The following SRD5A2 variants were observed in gnomAD, a reference collection of about 807,000 sequenced individuals.
The protein encoded by SRD5A2 is 3-oxo-5-alpha-steroid 4-dehydrogenase 2.
Under a neutral mutation model 27.4 loss-of-function variants are expected in SRD5A2, and 30 were observed. The ratio of observed to expected loss-of-function variants is 1.10; its 90% CI spans 0.82 to 1.49. SRD5A2 has a LOEUF of 1.49. Among genes scored for constraint, SRD5A2 ranks in the 40% most tolerant of loss-of-function variants. SRD5A2 has a pLI of 0.00. For synonymous variants in SRD5A2, 141 were observed against 133.6 expected (o/e 1.06, Z -0.38); for missense variants, 348 against 323.4 (o/e 1.08, Z -0.58).
the SRD5A2 span, among the ~76,000 whole-genome samples, chr2:31,644,688 C>A: frequency 1.3e-5 from 2 of 152,086 alleles, no homozygotes; most frequent in African/African-American, 4.8e-5. Context: ...GGATTGAGAA[C>A]CCTTGATATA....
intron 1 of SRD5A2, among the ~76,000 whole-genome samples, chr2:31,562,660 C>T (rs1200512075): frequency 6.6e-6 from 1 of 152,002 alleles, no homozygotes; most frequent in African/African-American, 2.4e-5. Context: ...ACAATACACA[C>T]CAGGGATTCC....
rs1665678343 is a variant in SRD5A2, at chr2:31,522,493, T to C, written c.*3703A>G. ...AACTAACACAGCTTGGTGCATACTT[T>C]AACCTTCTCCAGTTATTTATTTTAT... On this transcript the variant is annotated 3_prime_UTR_variant, in exon 5 of 5. Transcript: ENST00000622030. 5.3e-6 allele frequency: 1 copy of C among 187,706 alleles called. No individual in the cohort carries two copies. Among genetic ancestry groups the C allele is most frequent in the Admixed American group, 6.2e-5 (1 of 16,166 alleles). The allele number at this position is 187,706 out of a possible 1,614,324, so 11.6% of individuals were successfully genotyped here.
upstream of SRD5A2, among the ~76,000 whole-genome samples, chr2:31,583,500 A>G (rs746257499): frequency 2.0e-5 from 3 of 151,916 alleles, no homozygotes; most frequent in Non-Finnish European, 2.9e-5. Flanking sequence ...ATAAATATAC[A>G]GCTTGGTTGA....
chr2:31,560,166 T>C (rs1324490661), intron 1 of SRD5A2, among the ~76,000 whole-genome samples: 1 of 151,254 alleles, frequency 6.6e-6, no homozygotes, highest in Non-Finnish European at 1.5e-5. Context: ...TTAATATATA[T>C]GAACTCTTTC....
chr2:31,604,078 A>C, the SRD5A2 span, among the ~76,000 whole-genome samples: 1 of 151,842 alleles, frequency 6.6e-6, no homozygotes, highest in African/African-American at 2.4e-5. Flanking sequence ...TTAAAAAGTC[A>C]ATGTTTCTTC....
the SRD5A2 span, among the ~76,000 whole-genome samples, chr2:31,640,985 G>A: frequency 6.6e-6 from 1 of 152,144 alleles, no homozygotes; most frequent in African/African-American, 2.4e-5. Flanking sequence ...TTGGTGCTGA[G>A]CAGAATGTGG....
rs28383000 is a variant in SRD5A2 at position 31,578,487 on chromosome 2, G to C, written c.281+2133C>G. 8.3e-3 allele frequency among the ~76,000 whole-genome samples: 1,267 copies of C among 152,236 alleles called. 19 individuals carry two copies. The highest frequency in any genetic ancestry group is 0.013 in the Non-Finnish European group (853 of 68,012). On this transcript the variant is annotated intron_variant, in intron 1 of 4. Coordinates refer to ENST00000622030, the MANE Select transcript of SRD5A2 (RefSeq NM_000348.4). ...TGGGCGTGCCTACCTAAATGGGTTG[G>C]TATGAGGATGAGTAAATTATTTACT...
chr2:31,646,808 A>T, the SRD5A2 span, among the ~76,000 whole-genome samples: 1 of 152,198 alleles, frequency 6.6e-6, no homozygotes, highest in Non-Finnish European at 1.5e-5. Context: ...TTGTCCCCAA[A>T]CATCTAACAC....
At chr2:31,632,315 T>C in the SRD5A2 span, among the ~76,000 whole-genome samples, 1 of 152,112 alleles carries the variant, frequency 6.6e-6, no homozygotes, top group Non-Finnish European at 1.5e-5. Flanking sequence ...CCTGGGCAAA[T>C]TGAATGCCTA....
the SRD5A2 span, among the ~76,000 whole-genome samples, chr2:31,647,786 C>T: frequency 2.6e-5 from 4 of 152,240 alleles, no homozygotes; most frequent in South Asian, 2.1e-4. Context: ...TGAACATTTG[C>T]TTTTTATTTA....
At chr2:31,550,439 AAAG>A (rs1666360736) in intron 1 of SRD5A2, among the ~76,000 whole-genome samples, 1 of 151,988 alleles carries the variant, frequency 6.6e-6, no homozygotes, top group Admixed American at 6.5e-5. Context: ...AAGACAGTGC[AAAG>A]AAGAACAAGA....
chr2:31,643,390 G>C, the SRD5A2 span, among the ~76,000 whole-genome samples: 1 of 152,064 alleles, frequency 6.6e-6, no homozygotes, highest in Non-Finnish European at 1.5e-5. Context: ...TGTTACATTA[G>C]AACAGTCAGC....
chr2:31,555,556 G>A (rs909759374), intron 1 of SRD5A2, among the ~76,000 whole-genome samples: 12 of 152,080 alleles, frequency 7.9e-5, no homozygotes, highest in East Asian at 3.9e-4. Context: ...ACCTAAGGAC[G>A]GCCTTTCTGA....
chr2:31,636,101 T>C, the SRD5A2 span, among the ~76,000 whole-genome samples: 1 of 152,076 alleles, frequency 6.6e-6, no homozygotes. Flanking sequence ...TTTATACAGA[T>C]TGCATTGAAT....
At chr2:31,614,589 A>T in the SRD5A2 span, among the ~76,000 whole-genome samples, 1 of 152,222 alleles carries the variant, frequency 6.6e-6, no homozygotes, top group Admixed American at 6.5e-5. Context: ...TCCACTAGGC[A>T]GTGCCCCAGT....
chr2:31,592,019 A>G, the SRD5A2 span, among the ~76,000 whole-genome samples: 13 of 150,690 alleles, frequency 8.6e-5, no homozygotes, highest in Non-Finnish European at 1.6e-4. Flanking sequence ...GCACACCAAC[A>G]TGGCACATGT....
At chr2:31,567,342 T>C (rs1666751453) in intron 1 of SRD5A2, among the ~76,000 whole-genome samples, 1 of 152,090 alleles carries the variant, frequency 6.6e-6, no homozygotes. Context: ...CACATATACA[T>C]ATAATTTTTT....
intron 1 of SRD5A2, among the ~76,000 whole-genome samples, chr2:31,557,735 C>G (rs1335903897): frequency 6.6e-6 from 1 of 152,180 alleles, no homozygotes; most frequent in African/African-American, 2.4e-5. Flanking sequence ...GTACAGCACC[C>G]TGGGGGCTCT....
At chr2:31,635,668 T>C in the SRD5A2 span, among the ~76,000 whole-genome samples, 1 of 152,132 alleles carries the variant, frequency 6.6e-6, no homozygotes, top group East Asian at 1.9e-4. Context: ...CATTATTTTC[T>C]TCTAGTAGTT....
Sources: allele counts gnomAD v4.1 joint callset (sites outside exome capture counted in the v4.1 genomes callset), GRCh38; gene constraint gnomAD v4.1.1; transcripts MANE v1.5; gene names NCBI Gene and HGNC (gene_info 2026-07-23, HGNC 2026-07-21).